SHISA7: variants seen among roughly 807,000 people sequenced by gnomAD.
SHISA7 encodes the protein protein shisa-7.
A neutral mutation model predicts 23.9 loss-of-function variants in SHISA7; 6 were observed. The observed-to-expected ratio is 0.25, with a 90% CI of 0.14 to 0.50. The LOEUF (loss-of-function observed/expected upper bound fraction) is 0.50, where lower values mean the gene tolerates loss of function less well. Among genes scored for constraint, SHISA7 ranks in the 20% least tolerant of loss-of-function variants. SHISA7 has a pLI of 0.98. For synonymous variants in SHISA7, 386 were observed against 398.3 expected (o/e 0.97, Z 0.37); for missense variants, 671 against 801.1 (o/e 0.84, Z 1.96).
intron 2 of SHISA7, among the ~76,000 whole-genome samples, chr19:55,439,391 C>T (rs1349717680): frequency 2.0e-5 from 3 of 152,220 alleles, no homozygotes; most frequent in Non-Finnish European, 2.9e-5. Flanking sequence ...GGACCATCAT[C>T]CCAGCCTCCT....
At chr19:55,437,811 T>C (rs1355838538) in intron 2 of SHISA7, 57 bp from the exon 3 acceptor site, 5 of 1,508,860 alleles carry the variant, frequency 3.3e-6, no homozygotes, top group Non-Finnish European at 3.6e-6. Context: ...GACCCAGGAG[T>C]CCAGGCCCCC....
chr19:55,435,679 G>C (rs1021310552), intron 3 of SHISA7, among the ~76,000 whole-genome samples: 2 of 150,088 alleles, frequency 1.3e-5, no homozygotes, highest in Admixed American at 6.7e-5. Flanking sequence ...TCGGAGGATT[G>C]CTTGAGTCCA....
intron 2 of SHISA7, among the ~76,000 whole-genome samples, chr19:55,439,697 G>GAGAA (rs1219979871): frequency 1.3e-5 from 2 of 151,812 alleles, no homozygotes; most frequent in Non-Finnish European, 2.9e-5. Context: ...CTCTCCCTCG[G>GAGAA]AGAAGCCCTT....
At chr19:55,434,477 G>A (rs1568450320) in intron 3 of SHISA7, among the ~76,000 whole-genome samples, 2 of 118,920 alleles carry the variant, frequency 1.7e-5, no homozygotes, top group Non-Finnish European at 3.6e-5. Context: ...GTGTGTGTAT[G>A]GTGTGTGTGT....
At chr19:55,440,453 C>T (rs189195546) in intron 2 of SHISA7, among the ~76,000 whole-genome samples, 158 bp downstream of exon 2, 1 of 152,370 alleles carries the variant, frequency 6.6e-6, no homozygotes, top group Admixed American at 6.5e-5. Context: ...TAGCCCCCGT[C>T]CGCCTTTCGC....
At chr19:55,441,547 G>A (rs1985598672) in intron 1 of SHISA7, among the ~76,000 whole-genome samples, 1 of 152,188 alleles carries the variant, frequency 6.6e-6, no homozygotes, top group Admixed American at 6.5e-5. Context: ...TGCGTGGTTC[G>A]CTCCCTCCCT....
intron 2 of SHISA7, chr19:55,438,538 C>T (rs1358417215): frequency 1.2e-5 from 15 of 1,303,932 alleles, no homozygotes; most frequent in East Asian, 5.5e-5. Context: ...TGCTCTTTTC[C>T]GCAGCCGGGC....
intron 3 of SHISA7, among the ~76,000 whole-genome samples, chr19:55,437,068 C>G (rs1985479285): frequency 6.6e-6 from 1 of 152,172 alleles, no homozygotes; most frequent in African/African-American, 2.4e-5. Context: ...TGTGACCCAG[C>G]TTGCACCAAT....
Position 55,437,615 on chromosome 19 carries a change from G to T in SHISA7, c.966C>A (p.Leu322=). 1 of 1,551,342 alleles carries T rather than the reference G, an allele frequency of 6.4e-7. No homozygotes were observed. The highest frequency in any genetic ancestry group is 2.0e-5 in the Admixed American group (1 of 50,968). ...CTTGCCAGGACTCACCCAGCCTCTT[G>T]AGGGAAGAGTAGCGGTTCAGCTCGG... The part of the protein sequence containing the change: ...VKSELNRYSS[L]KRLAEKDLDE... Residue 322 remains leucine, a synonymous_variant, in exon 3 of 4, where the codon CTC becomes CTA. Coordinates refer to ENST00000376325, the MANE Select transcript of SHISA7 (RefSeq NM_001145176.2).
At position 55,431,203 on chromosome 19, in the gene SHISA7, C is replaced by A. The variant is rs899233800; in HGVS notation, c.*1953G>T. On this transcript the variant is annotated 3_prime_UTR_variant, in exon 4 of 4. Transcript: ENST00000376325. Reference sequence around the variant, plus strand: ...AAGTGGATCCCTGGAGATGATGACACCATGCATCCCTGCAAATGATGATGA... The same window carrying A: ...AAGTGGATCCCTGGAGATGATGACAACATGCATCCCTGCAAATGATGATGA... 6.6e-6 allele frequency: 1 copy of A among 152,148 alleles called. No individual in the cohort carries two copies. The highest frequency in any genetic ancestry group is 2.4e-5 in the African/African-American group (1 of 41,382). 9.4% of individuals were successfully genotyped at this position (152,148 alleles called of 1,614,324 possible).
chr19:55,442,779 G>T lies in SHISA7; in HGVS notation c.85C>A (p.Pro29Thr). Residue 29 changes from proline (P) to threonine (T), a missense_variant, in exon 1 of 4, where the codon CCC (proline) becomes ACC (threonine). By Grantham distance (38) the Pro-to-Thr change is conservative. Around this residue, in one of 5 missense-constraint regions of SHISA7, gnomAD observed 96 missense variants for 113.1 expected, o/e 0.85. Coordinates refer to ENST00000376325, the MANE Select transcript of SHISA7 (RefSeq NM_001145176.2). ...AGCAGGGCGGGCAGCGGGCCCGCGG[G>T]CTCGGCGCTCGTGGCGTTGGACGGG... ...ARPSNATSAE[P>T]AGPLPALLAH... 8.1e-7 allele frequency: 1 copy of T among 1,238,460 alleles called. No individual in the cohort carries two copies. The highest frequency in any genetic ancestry group is 1.0e-6 in the Non-Finnish European group (1 of 990,474). 76.7% of individuals were successfully genotyped at this position (1,238,460 alleles called of 1,614,324 possible). A position where few individuals can be genotyped will look rare whatever the true frequency, so the allele number is the denominator to read the frequency against.
At position 55,442,665 on chromosome 19, in the gene SHISA7, C is replaced by T. The variant is rs748585400; in HGVS notation, c.199G>A (p.Gly67Ser). ...GANGTRTGPA[G>S]GAGAAARAPP... ...GCCCGGGCCGCCGCGCCCGCCCCGC[C>T]CGCGGGGCCGGTCCTGGTGCCGTTG... is the stretch of plus-strand genomic sequence containing the variant. The change falls in exon 1 of 4, where the codon GGC (glycine) becomes AGC (serine). Residue 67 changes from glycine (G) to serine (S), a missense_variant. This residue lies in a region of SHISA7 where 96 missense variants were observed against 113.1 expected (regional missense o/e 0.85). Transcript: ENST00000376325. 3.2e-5 allele frequency: 40 copies of T among 1,251,184 alleles called. No individual in the cohort carries two copies. The highest frequency in any genetic ancestry group is 3.6e-5 in the Non-Finnish European group (36 of 987,928). The allele number at this position is 1,251,184 out of a possible 1,614,324, so 77.5% of individuals were successfully genotyped here.
At chr19:55,435,441 G>A (rs1214737863) in intron 3 of SHISA7, among the ~76,000 whole-genome samples, 3 of 148,172 alleles carry the variant, frequency 2.0e-5, no homozygotes, top group Non-Finnish European at 4.5e-5. Flanking sequence ...AAATATTAAA[G>A]GATGAGATTT....
chr19:55,428,968 T>C lies in SHISA7; in HGVS notation c.*4188A>G, dbSNP rs1024538783. 1.3e-5 allele frequency: 2 copies of C among 152,334 alleles called. No individual in the cohort carries two copies. Among genetic ancestry groups the C allele is most frequent in the African/African-American group, 2.4e-5 (1 of 41,398 alleles). 9.4% of individuals were successfully genotyped at this position (152,334 alleles called of 1,614,324 possible). A position where few individuals can be genotyped will look rare whatever the true frequency, so the allele number is the denominator to read the frequency against. ...CCCCAACCAGACGGGGAGATGCCTGTGTGTGTGTGCTTGTGTATGCATGGG... is the reference window on the plus strand; with the variant it reads ...CCCCAACCAGACGGGGAGATGCCTGCGTGTGTGTGCTTGTGTATGCATGGG... On this transcript the variant is annotated 3_prime_UTR_variant, in exon 4 of 4. Coordinates refer to ENST00000376325, the MANE Select transcript of SHISA7 (RefSeq NM_001145176.2).
chr19:55,435,233 TGTGC>T (rs1433919829), intron 3 of SHISA7, among the ~76,000 whole-genome samples: 54 of 103,456 alleles, frequency 5.2e-4, no homozygotes, highest in Non-Finnish European at 9.1e-4. Context: ...TGTATGTGTG[TGTGC>T]GTGTGTGCGT....
Position 55,434,311 on chromosome 19 carries a change from GGT to G in SHISA7, c.977-517_977-516del, listed in dbSNP as rs748499858. On this transcript the variant is annotated intron_variant, in intron 3 of 3. Coordinates refer to ENST00000376325, the MANE Select transcript of SHISA7 (RefSeq NM_001145176.2). ...TGTGGTGTATATGTGGTGTGTGTGT[GGT>G]GTGTGTGTGTGGTGTGTGGTGTGTG... 8.9e-3 allele frequency among the ~76,000 whole-genome samples: 914 copies of G among 102,966 alleles called. 4 individuals carry two copies. The highest frequency in any genetic ancestry group is 0.031 in the Middle Eastern group (6 of 196). The allele number at this position is 102,966 out of a possible 152,430, so 67.5% of individuals were successfully genotyped here.
Position 55,433,326 on chromosome 19 carries a change from G to T in SHISA7, c.1447C>A (p.His483Asn). The change falls in exon 4 of 4, where the codon CAC (histidine) becomes AAC (asparagine). Residue 483 changes from histidine to asparagine, a missense_variant. Transcript: ENST00000376325. The surrounding 1 kb of genome is among the most constrained non-coding windows in gnomAD (Gnocchi z 8.4). ...SLHAHHHHAL[H>N]GSPQPAWMSD... The stretch of plus-strand genomic sequence containing the variant: ...ATCCAGGCCGGCTGCGGCGAGCCGT[G>T]CAGGGCGTGGTGGTGGTGGGCGTGC... 1 of 1,460,510 alleles carries T rather than the reference G, an allele frequency of 6.8e-7. No individual in the cohort carries two copies. Among genetic ancestry groups the T allele is most frequent in the Non-Finnish European group, 9.0e-7 (1 of 1,115,962 alleles). 90.5% of individuals were successfully genotyped at this position (1,460,510 alleles called of 1,614,324 possible).
rs1985628879 is a variant in SHISA7 at position 55,442,837 on chromosome 19, G to A, written c.27C>T (p.Leu9=). Residue 9 remains leucine, a synonymous_variant, in exon 1 of 4, where the codon CTC becomes CTT. Transcript: ENST00000376325. The stretch of plus-strand genomic sequence containing the variant: ...TGGCCTGGCCGGCGCTAGAGGCCAG[G>A]AGTACGAGGAGCAGGAGGGCCGGCA... MPALLLLV[L]LASSAGQARA... is the part of the protein sequence containing the mutation. 7.2e-7 allele frequency: 1 copy of A among 1,394,064 alleles called. No homozygotes were observed. The highest frequency in any genetic ancestry group is 9.3e-7 in the Non-Finnish European group (1 of 1,076,060). 86.4% of individuals were successfully genotyped at this position (1,394,064 alleles called of 1,614,324 possible). A position where few individuals can be genotyped will look rare whatever the true frequency, so the allele number is the denominator to read the frequency against.
At chr19:55,439,824 C>A (rs1042067892) in intron 2 of SHISA7, among the ~76,000 whole-genome samples, 2 of 151,544 alleles carry the variant, frequency 1.3e-5, no homozygotes, top group African/African-American at 4.9e-5. Context: ...AGAAGCCCTT[C>A]TAACGCCTCT....
Sources: gnomAD v4.1 joint callset for allele counts (sites outside exome capture counted in the v4.1 genomes callset) on GRCh38, gnomAD v4.1.1 for gene constraint, gnomAD v4.1.1 regional missense constraint, Gnocchi (gnomAD v3.1) non-coding constraint, MANE v1.5 for transcripts, NCBI Gene and HGNC (gene_info 2026-07-23, HGNC 2026-07-21) for gene names.